MAP4: variants seen among roughly 807,000 people sequenced by gnomAD.
MAP4 encodes microtubule-associated protein 4.
In MAP4, 76 loss-of-function variants were observed where a neutral mutation model predicts 170.2. That is an observed-to-expected ratio of 0.45 (90% confidence interval 0.37 to 0.54). The LOEUF (loss-of-function observed/expected upper bound fraction) is 0.54. MAP4 is among the 20% of genes least tolerant of loss of function. The probability of loss-of-function intolerance (pLI) is 0.00; values close to 1 mark genes in which losing one functional copy is unlikely to be tolerated. For missense variants in MAP4, 2,506 were observed against 2,748.0 expected (o/e 0.91, Z 1.97); for synonymous variants, 909 against 994.5 (o/e 0.91, Z 1.62).
At position 47,910,556 on chromosome 3, in the gene MAP4, C is replaced by T. The variant is rs1224636474; in HGVS notation, c.3865G>A (p.Gly1289Arg). The T allele has an allele frequency of 3.3e-6, 5 of 1,535,954 alleles. No individual in the cohort carries two copies. The African/African-American group carries it at 4.1e-5, about 13-fold the overall frequency. Residue 1289 changes from glycine to arginine, a missense_variant, in exon 9 of 21, where the codon GGA becomes AGA. This residue lies in a region of MAP4 where 2,008 missense variants were observed against 2,206.0 expected (regional missense o/e 0.91). Transcript: ENST00000683076. ...TCAACAAAATTAACCTGAAAATTTC[C>T]ACCCTTCCTGTCAACTGCTTCCACT... ...PTVEAVDRKG[G>R]NFQVNFVELG...
chr3:47,907,502 T>G (rs2100033778), intron 9 of MAP4, among the ~76,000 whole-genome samples: 1 of 152,204 alleles, frequency 6.6e-6, no homozygotes, highest in Admixed American at 6.5e-5. Context: ...ATAAATTTTG[T>G]CCCAAACCCA....
In MAP4 at chr3:47,928,409, A is replaced by G. The variant is rs112064069; in HGVS notation, c.293-59T>C. On this transcript the variant is annotated intron_variant, in intron 3 of 20. Coordinates refer to ENST00000683076, the MANE Select transcript of MAP4 (RefSeq NM_001385682.1). ...ATATTACAGTTTTCTCCTCCACTAC[A>G]GTGGAATTTCTACAAAGTATTACAG... 2.4e-5 allele frequency: 37 copies of G among 1,552,118 alleles called. No homozygotes were observed. In the African/African-American group the frequency reaches 4.2e-4, roughly 18 times the overall value.
intron 2 of MAP4, among the ~76,000 whole-genome samples, chr3:47,985,231 G>C (rs1379535679): frequency 6.6e-6 from 1 of 151,932 alleles, no homozygotes; most frequent in African/African-American, 2.4e-5. Flanking sequence ...AGTGAGCCAA[G>C]ATGGTGCCAC....
In MAP4 at chr3:47,852,663, A is replaced by G. The variant is rs1274625892; in HGVS notation, c.*271T>C. On this transcript the variant is annotated 3_prime_UTR_variant, in exon 21 of 21. Transcript: ENST00000683076. ...CGCAGTGATGGGGCAAGACCAAAGCAGGGAGATGGGCCCAGGCTGGGGAGT... is the reference window on the plus strand; with the variant it reads ...CGCAGTGATGGGGCAAGACCAAAGCGGGGAGATGGGCCCAGGCTGGGGAGT... 1 of 1,283,800 alleles carries G rather than the reference A, an allele frequency of 7.8e-7. No individual in the cohort carries two copies. The highest frequency in any genetic ancestry group is 2.5e-5 in the East Asian group (1 of 39,372). The allele number at this position is 1,283,800 out of a possible 1,614,324, so 79.5% of individuals were successfully genotyped here. A position where few individuals can be genotyped will look rare whatever the true frequency, so the allele number is the denominator to read the frequency against.
chr3:47,946,160 G>T (rs1482140757), intron 3 of MAP4, among the ~76,000 whole-genome samples: 3 of 150,242 alleles, frequency 2.0e-5, no homozygotes, highest in Non-Finnish European at 4.5e-5. Flanking sequence ...AGCCAGGATG[G>T]TCTCGATCTA....
intron 12 of MAP4, among the ~76,000 whole-genome samples, chr3:47,872,343 C>T (rs2093643589): frequency 6.6e-6 from 1 of 152,104 alleles, no homozygotes; most frequent in Non-Finnish European, 1.5e-5. Context: ...GCCACCACGC[C>T]CAGCTAATTT....
At chr3:47,892,126 TAC>T (rs1170157154) in intron 10 of MAP4, 4 of 1,536,196 alleles carry the variant, frequency 2.6e-6, no homozygotes, top group Non-Finnish European at 3.5e-6. Flanking sequence ...TCTTCTGGTG[TAC>T]CGAGTTCCCC....
intron 12 of MAP4, among the ~76,000 whole-genome samples, chr3:47,872,754 C>T (rs1000201135): frequency 7.9e-5 from 12 of 152,204 alleles, no homozygotes; most frequent in Admixed American, 4.6e-4. Flanking sequence ...ATCATACACA[C>T]ACACACACGC....
intron 3 of MAP4, among the ~76,000 whole-genome samples, chr3:47,960,072 C>A (rs536523849): frequency 1.3e-5 from 2 of 151,934 alleles, no homozygotes; most frequent in African/African-American, 4.8e-5. Context: ...TCATGTTGGC[C>A]GGGCTGGTCT....
intron 2 of MAP4, among the ~76,000 whole-genome samples, chr3:47,990,656 T>C (rs1431362259): frequency 1.3e-5 from 2 of 152,192 alleles, no homozygotes; most frequent in African/African-American, 4.8e-5. Flanking sequence ...GTCAATACTG[T>C]GCTAGATGAT....
chr3:47,931,167 G>A (rs1041861418), intron 3 of MAP4, among the ~76,000 whole-genome samples: 7 of 151,804 alleles, frequency 4.6e-5, no homozygotes, highest in African/African-American at 1.7e-4. Flanking sequence ...CTGAGCCCAG[G>A]AGTTTGAGAC....
intron 10 of MAP4, chr3:47,891,434 A>G (rs2100023870): frequency 2.6e-6 from 4 of 1,532,914 alleles, no homozygotes; most frequent in Non-Finnish European, 3.5e-6. Context: ...GGAGCGCTTC[A>G]TAGCAGGAGC....
At chr3:47,897,550 T>C (rs2100027584) in intron 10 of MAP4, among the ~76,000 whole-genome samples, 1 of 152,148 alleles carries the variant, frequency 6.6e-6, no homozygotes. Context: ...TGTGTGTGTA[T>C]GTATGTGTGT....
At chr3:47,900,940 G>A (rs1008336981) in intron 10 of MAP4, among the ~76,000 whole-genome samples, 1 of 152,138 alleles carries the variant, frequency 6.6e-6, no homozygotes, top group Admixed American at 6.5e-5. Context: ...AATACCCCTA[G>A]GATCCTTTAG....
chr3:47,864,216 A>C (rs184722035), intron 17 of MAP4, among the ~76,000 whole-genome samples: 1 of 152,216 alleles, frequency 6.6e-6, no homozygotes, highest in African/African-American at 2.4e-5. Context: ...TGGGCCTCCC[A>C]GGGCCACTGT....
Position 47,909,995 on chromosome 3 carries a change from A to T in MAP4, c.4426T>A (p.Ser1476Thr), listed in dbSNP as rs773372578. Residue 1476 changes from serine (S) to threonine (T), a missense_variant, in exon 9 of 21, where the codon TCA becomes ACA. Physicochemically the swap from Ser to Thr is moderately conservative, Grantham distance 58 (BLOSUM62 1). Around this residue, in one of 3 missense-constraint regions of MAP4, gnomAD observed 2,008 missense variants for 2,206.0 expected, o/e 0.91. Transcript: ENST00000683076. The stretch of plus-strand genomic sequence containing the variant: ...TTGGTGTAGTTATCTACCATTAATG[A>T]TTTGGAAATCTGGGCTGGGGCTATC... Reference protein sequence around the residue: ...QEIAPAQISKSLMVDNYTKDG... With the variant: ...QEIAPAQISKTLMVDNYTKDG... 1.2e-6 allele frequency: 2 copies of T among 1,613,994 alleles called. No individual in the cohort carries two copies. Among genetic ancestry groups the T allele is most frequent in the South Asian group, 2.2e-5 (2 of 91,080 alleles).
At chr3:48,019,596 CT>C (rs1192580928), upstream of MAP4, among the ~76,000 whole-genome samples, 1 of 150,938 alleles carries the variant, frequency 6.6e-6, no homozygotes, top group Non-Finnish European at 1.5e-5. Flanking sequence ...AGAAAAAACT[CT>C]CTTTTGGCTG....
At chr3:48,056,907 G>A (rs527879156) in intron 1 of MAP4, among the ~76,000 whole-genome samples, 2,417 of 134,346 alleles carry the variant, frequency 0.018, 28 homozygotes, top group Non-Finnish European at 0.027. Flanking sequence ...GCCTCTGCCC[G>A]GCCAGCCGCC....
chr3:47,891,014 A>T (rs754177850), intron 10 of MAP4: 2 of 1,459,066 alleles, frequency 1.4e-6, no homozygotes, highest in Non-Finnish European at 9.0e-7. Context: ...GGCAAAATTT[A>T]GAAACATACC....
Sources: allele counts gnomAD v4.1 joint callset (sites outside exome capture counted in the v4.1 genomes callset), GRCh38; gene constraint gnomAD v4.1.1; regional missense constraint gnomAD v4.1.1; transcripts MANE v1.5; gene names NCBI Gene and HGNC (gene_info 2026-07-23, HGNC 2026-07-21).